GNAQ: variants seen among roughly 807,000 people sequenced by gnomAD.
GNAQ encodes guanine nucleotide-binding protein G(q) subunit alpha.
Under a neutral mutation model 43.9 loss-of-function variants are expected in GNAQ, and 8 were observed. The observed-to-expected ratio is 0.18, with a 90% CI of 0.11 to 0.33. The LOEUF (loss-of-function observed/expected upper bound fraction) is 0.33. Ranked by LOEUF, GNAQ falls within the 10% of genes least tolerant of loss-of-function variation. GNAQ has a pLI of 1.00. For synonymous variants in GNAQ, 155 were observed against 170.7 expected (o/e 0.91, Z 0.71); for missense variants, 158 against 450.8 (o/e 0.35, Z 5.88).
intron 2 of GNAQ, among the ~76,000 whole-genome samples, chr9:77,907,153 G>T (rs1382080552): frequency 6.6e-6 from 1 of 152,164 alleles, no homozygotes; most frequent in East Asian, 1.9e-4. Flanking sequence ...TCATGGGCAA[G>T]TTATTTTTCT....
At chr9:77,788,211 G>A (rs778782295) in intron 5 of GNAQ, among the ~76,000 whole-genome samples, 1 of 152,148 alleles carries the variant, frequency 6.6e-6, no homozygotes, top group African/African-American at 2.4e-5. Flanking sequence ...GTTGGGGTGA[G>A]AGGGAGACCA....
intron 1 of GNAQ, among the ~76,000 whole-genome samples, chr9:77,944,752 G>T (rs1828423235): frequency 6.6e-6 from 1 of 152,218 alleles, no homozygotes; most frequent in Non-Finnish European, 1.5e-5. Context: ...GTGAACACAA[G>T]ATGACACACT....
chr9:77,749,416 A>C (rs1825779099), intron 5 of GNAQ, among the ~76,000 whole-genome samples: 1 of 152,194 alleles, frequency 6.6e-6, no homozygotes, highest in Non-Finnish European at 1.5e-5. Context: ...GAAGGCTTTA[A>C]ATATGTTAGC....
At chr9:77,912,090 C>A (rs1828817097) in intron 2 of GNAQ, among the ~76,000 whole-genome samples, 1 of 152,198 alleles carries the variant, frequency 6.6e-6, no homozygotes, top group Non-Finnish European at 1.5e-5. Context: ...AAATTCAGCT[C>A]TTGTGCAATC....
intron 2 of GNAQ, among the ~76,000 whole-genome samples, chr9:77,842,486 T>G (rs1048438495): frequency 6.6e-6 from 1 of 152,198 alleles, no homozygotes; most frequent in East Asian, 1.9e-4. Context: ...TATTTAGGAA[T>G]GAAAAACAAC....
chr9:77,975,699 C>G (rs1272563694), intron 1 of GNAQ, among the ~76,000 whole-genome samples: 1 of 151,966 alleles, frequency 6.6e-6, no homozygotes, highest in East Asian at 1.9e-4. Flanking sequence ...ACCACCATGC[C>G]CAGCTAATTT....
chr9:77,833,183 G>T (rs2118557690), intron 2 of GNAQ, among the ~76,000 whole-genome samples: 1 of 152,160 alleles, frequency 6.6e-6, no homozygotes, highest in African/African-American at 2.4e-5. Context: ...GGCCAGGCTG[G>T]TCTCAAACTC....
intron 2 of GNAQ, among the ~76,000 whole-genome samples, chr9:77,891,430 T>C (rs1828404078): frequency 6.6e-6 from 1 of 152,232 alleles, no homozygotes. Context: ...GTTATTTTAA[T>C]TTTACATCTT....
At chr9:77,857,795 A>T in intron 2 of GNAQ, among the ~76,000 whole-genome samples, 1 of 150,820 alleles carries the variant, frequency 6.6e-6, no homozygotes, top group Middle Eastern at 3.2e-3. Context: ...TTTTTTTTTC[A>T]AGGCCATTTT....
At chr9:77,831,694 T>C (rs1317602692) in intron 2 of GNAQ, among the ~76,000 whole-genome samples, 1 of 152,210 alleles carries the variant, frequency 6.6e-6, no homozygotes, top group African/African-American at 2.4e-5. Context: ...TTACTGTGCC[T>C]GTAAAAATGC....
chr9:77,975,531 C>T (rs996614281), intron 1 of GNAQ, among the ~76,000 whole-genome samples: 2 of 139,728 alleles, frequency 1.4e-5, no homozygotes, highest in African/African-American at 2.8e-5. Flanking sequence ...TGTTATCAGC[C>T]CCCCCTTTTT....
intron 2 of GNAQ, among the ~76,000 whole-genome samples, chr9:77,875,185 G>T (rs538275082): frequency 6.6e-6 from 1 of 152,292 alleles, no homozygotes; most frequent in Admixed American, 6.5e-5. Context: ...TCTAAAGATG[G>T]TCGGCTGGTT....
At chr9:77,893,360 T>C (rs1449241610) in intron 2 of GNAQ, among the ~76,000 whole-genome samples, 1 of 152,174 alleles carries the variant, frequency 6.6e-6, no homozygotes, top group Non-Finnish European at 1.5e-5. Flanking sequence ...ACCAGCATCA[T>C]GACAGTTTAC....
At chr9:77,861,947 G>A (rs1031588381) in intron 2 of GNAQ, among the ~76,000 whole-genome samples, 5 of 151,416 alleles carry the variant, frequency 3.3e-5, no homozygotes, top group African/African-American at 9.7e-5. Flanking sequence ...GGAGGTTGCG[G>A]TGAGCTGAGA....
intron 2 of GNAQ, among the ~76,000 whole-genome samples, chr9:77,850,988 A>G (rs1827667552): frequency 1.3e-5 from 2 of 152,062 alleles, no homozygotes; most frequent in African/African-American, 2.4e-5. Context: ...AGCTCTTACT[A>G]AAGTGCTTGG....
intron 2 of GNAQ, among the ~76,000 whole-genome samples, chr9:77,859,981 T>C (rs539222046): frequency 8.5e-5 from 13 of 152,176 alleles, no homozygotes; most frequent in Non-Finnish European, 1.9e-4. Flanking sequence ...AAAAAATCCC[T>C]ACATAAATGC....
intron 5 of GNAQ, among the ~76,000 whole-genome samples, chr9:77,763,673 T>C (rs1318462500): frequency 1.3e-5 from 2 of 152,202 alleles, no homozygotes; most frequent in South Asian, 2.1e-4. Context: ...AAATAAAAAC[T>C]GTTACTGTGA....
chr9:78,005,521 T>C (rs973937563), intron 1 of GNAQ, among the ~76,000 whole-genome samples: 2 of 152,226 alleles, frequency 1.3e-5, no homozygotes, highest in Non-Finnish European at 2.9e-5. Flanking sequence ...GAGCGTTCTA[T>C]GTGTGCATAA....
rs113398751 is a variant in GNAQ, at chr9:77,764,913, G to A, written c.735+29550C>T. ...GATCACAGTTTTCTCATTTTACAAG[G>A]AGAAGGTTGAAACCAACAGACTCTT... On this transcript the variant is annotated intron_variant, in intron 5 of 6. Coordinates refer to ENST00000286548, the MANE Select transcript of GNAQ (RefSeq NM_002072.5). 5.6e-3 allele frequency among the ~76,000 whole-genome samples: 853 copies of A among 152,242 alleles called. 2 individuals are homozygous for A. The highest frequency in any genetic ancestry group is 0.02 in the African/African-American group (819 of 41,540).
Sources: allele counts gnomAD v4.1 joint callset (sites outside exome capture counted in the v4.1 genomes callset), GRCh38; gene constraint gnomAD v4.1.1; transcripts MANE v1.5; gene names NCBI Gene and HGNC (gene_info 2026-07-23, HGNC 2026-07-21).